The following OR2L13 variants were observed in gnomAD, a reference collection of about 807,000 sequenced individuals.
The protein encoded by OR2L13 is olfactory receptor family 2 subfamily L member 13.
In OR2L13, 14 loss-of-function variants were observed where a neutral mutation model predicts 15.3. The ratio of observed to expected loss-of-function variants is 0.91; its 90% CI spans 0.60 to 1.43. OR2L13 has a LOEUF of 1.43. Among genes scored for constraint, OR2L13 ranks in the 40% most tolerant of loss-of-function variants. The probability of loss-of-function intolerance (pLI) is 0.00; values close to 1 mark genes in which losing one functional copy is unlikely to be tolerated. For synonymous variants in OR2L13, 152 were observed against 142.9 expected (o/e 1.06, Z -0.45); for missense variants, 367 against 387.9 (o/e 0.95, Z 0.45).
chr1:247,965,506 A>C, the OR2L13 span: 4 of 1,613,578 alleles, frequency 2.5e-6, no homozygotes, highest in South Asian at 1.1e-5. Flanking sequence ...AGGAAATATC[A>C]TGCTGATCCA....
At chr1:248,084,679 C>CT in the OR2L13 span, 138 of 1,496,736 alleles carry the variant, frequency 9.2e-5, no homozygotes, top group East Asian at 7.5e-4. Context: ...TAACTTCCCT[C>CT]TTTTTTTTCA....
the OR2L13 span, among the ~76,000 whole-genome samples, chr1:248,077,461 C>G: frequency 6.6e-6 from 1 of 152,190 alleles, no homozygotes; most frequent in Non-Finnish European, 1.5e-5. Context: ...GGCTGTGAAT[C>G]TGTCTGGTCC....
At chr1:247,994,281 C>T in the OR2L13 span, among the ~76,000 whole-genome samples, 359 of 152,212 alleles carry the variant, frequency 2.4e-3, no homozygotes, top group African/African-American at 8.4e-3. Flanking sequence ...CCTGTAGTCC[C>T]GGCTGCTTGA....
chr1:248,012,604 G>A, the OR2L13 span, among the ~76,000 whole-genome samples: 1 of 152,044 alleles, frequency 6.6e-6, no homozygotes, highest in Admixed American at 6.6e-5. Flanking sequence ...TATGTTCAAA[G>A]GCAGGGTTTT....
chr1:248,038,312 G>T, the OR2L13 span: 1 of 1,613,228 alleles, frequency 6.2e-7, no homozygotes. Context: ...TCTTATTGGG[G>T]CTGTTCCCAC....
chr1:248,098,461 C>A (rs531776020), intron 1 of OR2L13, among the ~76,000 whole-genome samples, 190 bp from the exon 2 acceptor site: 1 of 152,194 alleles, frequency 6.6e-6, no homozygotes, highest in Non-Finnish European at 1.5e-5. Context: ...GTGCACCTGT[C>A]ATGTTCCCAA....
chr1:247,949,140 G>T, the OR2L13 span: 1 of 1,614,032 alleles, frequency 6.2e-7, no homozygotes, highest in Non-Finnish European at 8.5e-7. Context: ...CTCCTTCACT[G>T]GGTGTGGGAT....
At chr1:248,091,599 C>T (rs779962057), upstream of OR2L13, among the ~76,000 whole-genome samples, 2 of 151,724 alleles carry the variant, frequency 1.3e-5, no homozygotes, top group African/African-American at 2.4e-5. Flanking sequence ...TCTCGGTGTA[C>T]GGCATTATTT....
chr1:248,039,045 C>T, the OR2L13 span: 207 of 1,614,070 alleles, frequency 1.3e-4, 1 homozygote, highest in Middle Eastern at 9.9e-4. Context: ...TACCTATGTA[C>T]GTCCAAGATC....
At chr1:248,024,116 T>C in the OR2L13 span, 1 of 152,126 alleles carries the variant, frequency 6.6e-6, no homozygotes, top group Non-Finnish European at 1.5e-5. Context: ...TACACAGGTA[T>C]ACATGTGCCG....
At chr1:247,992,803 G>T in the OR2L13 span, among the ~76,000 whole-genome samples, 1 of 152,154 alleles carries the variant, frequency 6.6e-6, no homozygotes, top group Admixed American at 6.5e-5. Flanking sequence ...TTGATTGTAG[G>T]TCTTTGCTGT....
the OR2L13 span, among the ~76,000 whole-genome samples, chr1:247,963,263 T>C: frequency 6.6e-6 from 1 of 151,988 alleles, no homozygotes; most frequent in Non-Finnish European, 1.5e-5. Flanking sequence ...AACGGAGGGG[T>C]CCTCACCTTT....
the OR2L13 span, among the ~76,000 whole-genome samples, chr1:247,960,849 T>A: frequency 2.0e-5 from 3 of 152,180 alleles, no homozygotes; most frequent in Admixed American, 6.5e-5. Context: ...CCCCTTTCTT[T>A]GACTAGGAAA....
chr1:247,965,890 C>T, the OR2L13 span: 41 of 1,613,518 alleles, frequency 2.5e-5, no homozygotes, highest in Admixed American at 1.0e-4. Context: ...CTGTAGGTCT[C>T]GGCTCATTAA....
the OR2L13 span, among the ~76,000 whole-genome samples, chr1:248,067,135 A>G: frequency 6.6e-6 from 1 of 152,338 alleles, no homozygotes; most frequent in African/African-American, 2.4e-5. Flanking sequence ...ACATCTCATA[A>G]GTTTTGAATG....
At chr1:248,060,639 T>C in the OR2L13 span, 4 of 1,507,462 alleles carry the variant, frequency 2.7e-6, no homozygotes, top group Non-Finnish European at 3.6e-6. Context: ...TGTGCTTAAC[T>C]TACCCTTGTG....
chr1:248,010,310 T>A, the OR2L13 span, among the ~76,000 whole-genome samples: 1 of 151,932 alleles, frequency 6.6e-6, no homozygotes, highest in Non-Finnish European at 1.5e-5. Context: ...TGATTTCCGT[T>A]TTTTGCATTT....
chr1:248,010,129 C>T, the OR2L13 span, among the ~76,000 whole-genome samples: 1 of 152,124 alleles, frequency 6.6e-6, no homozygotes, highest in African/African-American at 2.4e-5. Context: ...CCTCTCTCAC[C>T]ACTCCTATTC....
At chr1:248,001,726 A>G in the OR2L13 span, among the ~76,000 whole-genome samples, 6 of 152,138 alleles carry the variant, frequency 3.9e-5, no homozygotes, top group South Asian at 1.0e-3. Flanking sequence ...ATAATATTAT[A>G]TAATAGGACA....
Sources: gnomAD v4.1 joint callset for allele counts (sites outside exome capture counted in the v4.1 genomes callset) on GRCh38, gnomAD v4.1.1 for gene constraint, MANE v1.5 for transcripts, NCBI Gene and HGNC (gene_info 2026-07-23, HGNC 2026-07-21) for gene names.